The following TOX3 variants were observed in gnomAD, a reference collection of about 807,000 sequenced individuals.
The protein encoded by TOX3 is CAG trinucleotide repeat-containing gene F9 protein.
A neutral mutation model predicts 64.3 loss-of-function variants in TOX3; 22 were observed. That is an observed-to-expected ratio of 0.34 (90% CI 0.24 to 0.49). The LOEUF (loss-of-function observed/expected upper bound fraction) is 0.49. Ranked by LOEUF, TOX3 falls within the 20% of genes least tolerant of loss-of-function variation. The pLI, the probability that TOX3 is intolerant of heterozygous loss-of-function variation, is 0.99. For missense variants in TOX3, 661 were observed against 714.4 expected (o/e 0.93, Z 0.85); for synonymous variants, 291 against 273.6 (o/e 1.06, Z -0.63).
chr16:52,453,675 T>C (rs1960427774), intron 3 of TOX3, among the ~76,000 whole-genome samples: 1 of 152,240 alleles, frequency 6.6e-6, no homozygotes, highest in African/African-American at 2.4e-5. Flanking sequence ...AGAGTTACTT[T>C]GCTCTCTTTG....
chr16:52,529,487 G>A (rs1234088657), intron 1 of TOX3, among the ~76,000 whole-genome samples: 1 of 152,126 alleles, frequency 6.6e-6, no homozygotes, highest in African/African-American at 2.4e-5. Context: ...TCTCTACAAA[G>A]GAAGTGAGGT....
In TOX3 at chr16:52,546,748, G is replaced by T. The variant is rs570989027; in HGVS notation, c.-25C>A. 370 of 1,498,772 alleles carry T rather than the reference G, an allele frequency of 2.5e-4. No homozygotes were observed. Among genetic ancestry groups the T allele is most frequent in the Admixed American group, 6.1e-4 (29 of 47,768 alleles). 92.8% of individuals were successfully genotyped at this position (1,498,772 alleles called of 1,614,324 possible). A position where few individuals can be genotyped will look rare whatever the true frequency, so the allele number is the denominator to read the frequency against. ...TGCCGAAGCTGGGCCCGGGGCCGGGGGCCGGGACTGGGGTTCGCCGGGGCC... is the reference window on the plus strand; with the variant it reads ...TGCCGAAGCTGGGCCCGGGGCCGGGTGCCGGGACTGGGGTTCGCCGGGGCC... On this transcript the variant is annotated 5_prime_UTR_variant, in exon 1 of 7. Transcript: ENST00000219746.
rs3112579 is a variant in TOX3, at chr16:52,541,990, G to A, written c.87+4647C>T. The stretch of plus-strand genomic sequence containing the variant: ...CAAAATTACAACTAATAGATGTGAA[G>A]CTAAATATTTACAAAATGTAAACTA... On this transcript the variant is annotated intron_variant, in intron 1 of 6. Coordinates refer to ENST00000219746, the MANE Select transcript of TOX3 (RefSeq NM_001080430.4). Among the ~76,000 whole-genome samples the A allele has an allele frequency of 0.014, 2,081 of 152,290 alleles. 80 individuals are homozygous for A. The East Asian group carries it at 0.15, about 11-fold the overall frequency.
At chr16:52,539,151 A>G (rs1845035513) in intron 1 of TOX3, among the ~76,000 whole-genome samples, 1 of 152,188 alleles carries the variant, frequency 6.6e-6, no homozygotes, top group South Asian at 2.1e-4. Context: ...AAATGTTTTC[A>G]TTCATAAATG....
rs1224577326 is a variant in TOX3, at chr16:52,546,998, C to T, written c.-275G>A. 17 of 965,682 alleles carry T rather than the reference C, an allele frequency of 1.8e-5. No homozygotes were observed. In the South Asian group the frequency reaches 5.5e-4, roughly 31 times the overall value. 59.8% of individuals were successfully genotyped at this position (965,682 alleles called of 1,614,324 possible). ...GCAGCGCTGCGCGCGGGCCGGGCGC[C>T]GGGGGCGCGGGGCGCGGCGCTGGGG... On this transcript the variant is annotated 5_prime_UTR_variant, in exon 1 of 7. Coordinates refer to ENST00000219746, the MANE Select transcript of TOX3 (RefSeq NM_001080430.4).
chr16:52,491,998 T>G (rs1961700089), intron 1 of TOX3, among the ~76,000 whole-genome samples: 1 of 151,942 alleles, frequency 6.6e-6, no homozygotes, highest in Non-Finnish European at 1.5e-5. Context: ...ATTGAGCTTT[T>G]GCAGGACTCC....
At chr16:52,449,896 G>A (rs757180986) in intron 4 of TOX3, among the ~76,000 whole-genome samples, 3 of 152,216 alleles carry the variant, frequency 2.0e-5, no homozygotes, top group African/African-American at 4.8e-5. Context: ...CCAACACACT[G>A]GATGAAACTT....
chr16:52,510,879 G>T (rs750796772), intron 1 of TOX3, among the ~76,000 whole-genome samples: 1 of 151,716 alleles, frequency 6.6e-6, no homozygotes, highest in South Asian at 2.1e-4. Context: ...CATTTGAATG[G>T]AACAGCTTGA....
intron 6 of TOX3, among the ~76,000 whole-genome samples, chr16:52,441,521 T>G (rs1959988070): frequency 6.6e-6 from 1 of 152,182 alleles, no homozygotes; most frequent in Non-Finnish European, 1.5e-5. Context: ...CAAAAAGAAA[T>G]TCTTCCACTA....
At chr16:52,510,814 T>G (rs1004053446) in intron 1 of TOX3, among the ~76,000 whole-genome samples, 2 of 151,236 alleles carry the variant, frequency 1.3e-5, no homozygotes, top group Non-Finnish European at 3.0e-5. Context: ...AAATTTGTCT[T>G]CTGGCTCTCT....
chr16:52,516,649 A>G (rs545621236), intron 1 of TOX3, among the ~76,000 whole-genome samples: 2 of 152,378 alleles, frequency 1.3e-5, no homozygotes, highest in African/African-American at 4.8e-5. Flanking sequence ...GTTTATCAAT[A>G]TGATATATCT....
intron 1 of TOX3, among the ~76,000 whole-genome samples, chr16:52,516,130 C>G (rs1962448016): frequency 6.6e-6 from 1 of 152,092 alleles, no homozygotes; most frequent in African/African-American, 2.4e-5. Context: ...AAATCACTTT[C>G]AAATTTCACA....
intron 3 of TOX3, 30 bp from the exon 4 acceptor site, chr16:52,450,576 A>G: frequency 6.2e-7 from 1 of 1,612,294 alleles, no homozygotes; most frequent in Non-Finnish European, 8.5e-7. Flanking sequence ...GGGGGAAAAT[A>G]TTTCAGCTTT....
intron 3 of TOX3, among the ~76,000 whole-genome samples, chr16:52,451,117 A>T (rs1282894120): frequency 6.6e-6 from 1 of 152,214 alleles, no homozygotes; most frequent in Non-Finnish European, 1.5e-5. Context: ...CAGAGCAAAC[A>T]TCTGTTTGCT....
intron 1 of TOX3, among the ~76,000 whole-genome samples, chr16:52,491,581 G>A (rs1485474167): frequency 6.6e-6 from 1 of 152,096 alleles, no homozygotes; most frequent in Non-Finnish European, 1.5e-5. Context: ...CATCAGAGTT[G>A]CAATTTTACA....
At chr16:52,459,978 A>G (rs930197237) in intron 3 of TOX3, among the ~76,000 whole-genome samples, 7 of 152,138 alleles carry the variant, frequency 4.6e-5, no homozygotes, top group Non-Finnish European at 8.8e-5. Flanking sequence ...CCATTTTTCT[A>G]TCAAAAATGA....
intron 1 of TOX3, among the ~76,000 whole-genome samples, chr16:52,498,446 T>C (rs1023726911): frequency 4.6e-5 from 7 of 152,328 alleles, no homozygotes; most frequent in Admixed American, 1.3e-4. Context: ...AATGAAGCGA[T>C]GAGATTCCAT....
At chr16:52,476,071 C>T (rs900997771) in intron 1 of TOX3, among the ~76,000 whole-genome samples, 2 of 152,148 alleles carry the variant, frequency 1.3e-5, no homozygotes, top group African/African-American at 2.4e-5. Context: ...AGGCTTGGCA[C>T]GCATATTTAC....
rs193018526 is a variant in TOX3, at chr16:52,439,208, G to A, written c.*17C>T. 8.2e-4 allele frequency: 1,328 copies of A among 1,613,668 alleles called. 1 individual carries two copies. The highest frequency in any genetic ancestry group is 4.1e-3 in the Middle Eastern group (25 of 6,058). Reference sequence around the variant, plus strand: ...CACTCTCCTTGGTATACGCAAATCCGTCTGCCATATGCGTCTTCAGAAAAT... The same window carrying A: ...CACTCTCCTTGGTATACGCAAATCCATCTGCCATATGCGTCTTCAGAAAAT... On this transcript the variant is annotated 3_prime_UTR_variant, in exon 7 of 7. Coordinates refer to ENST00000219746, the MANE Select transcript of TOX3 (RefSeq NM_001080430.4).
Sources: allele counts gnomAD v4.1 joint callset (sites outside exome capture counted in the v4.1 genomes callset), GRCh38; gene constraint gnomAD v4.1.1; transcripts MANE v1.5; gene names NCBI Gene and HGNC (gene_info 2026-07-23, HGNC 2026-07-21).